Variants in MKLN1 observed in about 807,000 individuals in gnomAD.
MKLN1 encodes the protein muskelin.
Under a neutral mutation model 99.0 loss-of-function variants are expected in MKLN1, and 18 were observed. The ratio of observed to expected loss-of-function variants is 0.18; its 90% confidence interval spans 0.13 to 0.27. MKLN1 has a LOEUF of 0.27. Among genes scored for constraint, MKLN1 ranks in the 10% least tolerant of loss-of-function variants. The pLI is 1.00. For synonymous variants in MKLN1, 288 were observed against 293.2 expected, an observed-to-expected ratio of 0.98 and a Z score of 0.18; for missense variants, 621 against 875.9, an observed-to-expected ratio of 0.71 and a Z score of 3.67.
At chr7:131,433,944 T>C (rs959105710) in intron 9 of MKLN1, among the ~76,000 whole-genome samples, 3 of 151,334 alleles carry the variant, frequency 2.0e-5, no homozygotes, top group African/African-American at 4.9e-5. Context: ...AGTGCAATGA[T>C]GCGATCTCGG....
rs142776639 is a variant in MKLN1, at chr7:131,235,145, A to G, written c.-179+32171A>G. ...GGCTGGGATCAGTTGATACAAAAAG[A>G]CGTAGCTAGAAAGTCAATCTCAATC... On this transcript the variant is annotated intron_variant, in intron 3 of 7. Transcript: ENST00000416992. Among the ~76,000 whole-genome samples, 6 of 152,158 alleles carry G rather than the reference A, an allele frequency of 3.9e-5. No homozygotes were observed. In the East Asian group the frequency reaches 1.2e-3, roughly 29 times the overall value.
At chr7:131,205,127 AAGTTAAATC>A (rs1314540420) in intron 3 of MKLN1, among the ~76,000 whole-genome samples, 12 of 151,934 alleles carry the variant, frequency 7.9e-5, no homozygotes, top group Non-Finnish European at 1.5e-5. Context: ...AAAAAGCTGC[AAGTTAAATC>A]ATGTCCCTCT....
intron 2 of MKLN1, among the ~76,000 whole-genome samples, chr7:131,192,698 C>A (rs1313549485): frequency 6.6e-6 from 1 of 151,576 alleles, no homozygotes; most frequent in Non-Finnish European, 1.5e-5. Flanking sequence ...CCCACCACCA[C>A]GCCCTGCTAA....
intron 9 of MKLN1, among the ~76,000 whole-genome samples, chr7:131,432,675 T>G (rs753103129): frequency 2.0e-4 from 31 of 152,146 alleles, no homozygotes; most frequent in Non-Finnish European, 1.0e-4. Context: ...CTCGATCTCT[T>G]GACCTCGTAA....
chr7:131,228,959 C>T (rs1797198716), intron 3 of MKLN1, among the ~76,000 whole-genome samples: 2 of 152,038 alleles, frequency 1.3e-5, no homozygotes, highest in African/African-American at 2.4e-5. Flanking sequence ...AAACAAAAAC[C>T]CAAGAATTAT....
chr7:131,319,587 TGGCCCAG>T (rs1482997259), intron 3 of MKLN1, among the ~76,000 whole-genome samples: 4 of 152,216 alleles, frequency 2.6e-5, no homozygotes, highest in Admixed American at 2.6e-4. Flanking sequence ...TTGGAAGTTC[TGGCCCAG>T]GGCACTCAGG....
intron 14 of MKLN1, 130 bp from the exon 15 acceptor site, chr7:131,466,146 T>C: frequency 1.7e-6 from 1 of 592,578 alleles, no homozygotes; most frequent in Admixed American, 3.3e-5. Context: ...AAGCTTTTGG[T>C]AAAAATGCAG....
At chr7:131,464,779 A>G (rs553583991) in intron 14 of MKLN1, among the ~76,000 whole-genome samples, 1 of 152,200 alleles carries the variant, frequency 6.6e-6, no homozygotes, top group South Asian at 2.1e-4. Flanking sequence ...TTGGTTTTAG[A>G]TTTTCCTATT....
chr7:131,476,591 G>A (rs535373609), intron 16 of MKLN1, among the ~76,000 whole-genome samples: 1 of 152,284 alleles, frequency 6.6e-6, no homozygotes, highest in South Asian at 2.1e-4. Context: ...AGAAATTAAA[G>A]AAGACCTTGA....
chr7:131,232,601 G>A (rs10276927), intron 3 of MKLN1, among the ~76,000 whole-genome samples: 14,867 of 152,110 alleles, frequency 0.098, 846 homozygotes, highest in African/African-American at 0.14. Context: ...TGCCAATCTC[G>A]CAAATAGTTA....
intron 1 of MKLN1, among the ~76,000 whole-genome samples, chr7:131,369,168 C>T (rs1800271492): frequency 6.6e-6 from 1 of 151,968 alleles, no homozygotes; most frequent in Admixed American, 6.5e-5. Context: ...TGATCATTTC[C>T]TTGCTACTTC....
At position 131,327,924 on chromosome 7, in the gene MKLN1, G is replaced by C; in HGVS notation, c.25G>C (p.Ala9Pro). 6.2e-7 allele frequency: 1 copy of C among 1,613,182 alleles called. No homozygotes were observed. The highest frequency in any genetic ancestry group is 2.2e-5 in the East Asian group (1 of 44,856). Reference protein sequence around the residue: MAAGGAVAAAPECRLLPYA... With the variant: MAAGGAVAPAPECRLLPYA... ...GATGGCGGCTGGCGGAGCTGTCGCT[G>C]CGGCGCCCGAGTGCCGGCTTCTCCC... is the stretch of plus-strand genomic sequence containing the variant. The change falls in exon 1 of 18, where the codon GCG (alanine) becomes CCG (proline). Residue 9 changes from alanine (A) to proline (P), a missense_variant. By Grantham distance (27) the Ala-to-Pro change is conservative. Around this residue, in one of 8 missense-constraint regions of MKLN1, gnomAD observed 58 missense variants for 40.0 expected, o/e 1.45. Transcript: ENST00000352689.
At chr7:131,277,695 C>G (rs529080217) in intron 3 of MKLN1, among the ~76,000 whole-genome samples, 2 of 152,070 alleles carry the variant, frequency 1.3e-5, no homozygotes, top group South Asian at 4.1e-4. Context: ...GGACTACAGG[C>G]GTGAGCCATG....
intron 6 of MKLN1, among the ~76,000 whole-genome samples, chr7:131,406,862 T>G (rs1168854747): frequency 6.6e-6 from 1 of 152,084 alleles, no homozygotes; most frequent in Non-Finnish European, 1.5e-5. Flanking sequence ...ACTGCCATTT[T>G]TTAATATAAT....
At chr7:131,271,898 AAACT>A (rs1215297030) in intron 3 of MKLN1, among the ~76,000 whole-genome samples, 2 of 136,156 alleles carry the variant, frequency 1.5e-5, no homozygotes, top group Non-Finnish European at 3.2e-5. Flanking sequence ...AACAAAAGCG[AAACT>A]CTGTCTCAAA....
chr7:131,246,356 G>A (rs540413345), intron 3 of MKLN1, among the ~76,000 whole-genome samples: 4 of 152,290 alleles, frequency 2.6e-5, no homozygotes, highest in Admixed American at 6.5e-5. Context: ...GAGAAGATTC[G>A]GGTTTGGGAT....
chr7:131,278,248 G>C (rs1798003121), intron 3 of MKLN1, among the ~76,000 whole-genome samples: 1 of 152,012 alleles, frequency 6.6e-6, no homozygotes, highest in Non-Finnish European at 1.5e-5. Flanking sequence ...ATGTTGCCCA[G>C]GCTGGTCTGG....
chr7:131,465,013 T>C (rs1796618374), intron 14 of MKLN1, among the ~76,000 whole-genome samples: 1 of 152,172 alleles, frequency 6.6e-6, no homozygotes. Context: ...CATGGATGAT[T>C]TATTTAAATT....
intron 3 of MKLN1, among the ~76,000 whole-genome samples, chr7:131,291,488 C>T (rs1798216115): frequency 6.6e-6 from 1 of 151,254 alleles, no homozygotes; most frequent in African/African-American, 2.4e-5. Flanking sequence ...AGTAAGAGTA[C>T]TTATGTACAG....
Sources: allele counts gnomAD v4.1 joint callset (sites outside exome capture counted in the v4.1 genomes callset), GRCh38; gene constraint gnomAD v4.1.1; regional missense constraint gnomAD v4.1.1; transcripts MANE v1.5; gene names NCBI Gene and HGNC (gene_info 2026-07-23, HGNC 2026-07-21).